The following CCDC174 variants were observed in gnomAD, a reference collection of about 807,000 sequenced individuals.
CCDC174 encodes coiled-coil domain-containing protein 174.
A neutral mutation model predicts 57.1 loss-of-function variants in CCDC174; 37 were observed. The observed-to-expected ratio is 0.65, with a 90% CI of 0.50 to 0.85. The LOEUF (loss-of-function observed/expected upper bound fraction) is 0.85, where lower values mean the gene tolerates loss of function less well. Among genes scored for constraint, CCDC174 ranks in the 40% least tolerant of loss-of-function variants. The pLI, the probability that CCDC174 is intolerant of heterozygous loss-of-function variation, is 0.00. For synonymous variants in CCDC174, 182 were observed against 190.2 expected (o/e 0.96, Z 0.35); for missense variants, 540 against 574.3 (o/e 0.94, Z 0.61).
At chr3:14,668,356 A>C (rs2031409533) in intron 9 of CCDC174, among the ~76,000 whole-genome samples, 175 bp downstream of exon 9, 1 of 152,222 alleles carries the variant, frequency 6.6e-6, no homozygotes, top group Admixed American at 6.5e-5. Context: ...GCAGAATGAC[A>C]TTCAATATTT....
chr3:14,661,069 A>C (rs1431159068), intron 4 of CCDC174, among the ~76,000 whole-genome samples: 4 of 152,154 alleles, frequency 2.6e-5, no homozygotes, highest in Non-Finnish European at 5.9e-5. Context: ...CTGTATTATG[A>C]CCTTTAAAAC....
intron 7 of CCDC174, 127 bp from the exon 8 acceptor site, chr3:14,667,297 T>G (rs373830604): frequency 1.0e-5 from 8 of 777,244 alleles, no homozygotes; most frequent in South Asian, 8.7e-5. Flanking sequence ...TTAGCTGTTT[T>G]CTTTTTCTTT....
intron 1 of CCDC174, among the ~76,000 whole-genome samples, chr3:14,652,243 C>G (rs1254882244): frequency 6.6e-6 from 1 of 152,172 alleles, no homozygotes; most frequent in Non-Finnish European, 1.5e-5. Flanking sequence ...TTTTGCTATG[C>G]AGACATATCC....
In CCDC174 at chr3:14,663,952, A is replaced by AT. The variant is rs1174115550; in HGVS notation, c.486-1075dup. On this transcript the variant is annotated intron_variant, in intron 5 of 10. Transcript: ENST00000383794. ...TGTAATTGCTTGTAAAATCCTTTTG[A>AT]TAGTTAAATTCCAGGTGGTAGAAAA... is the stretch of plus-strand genomic sequence containing the variant. Among the ~76,000 whole-genome samples, 5 of 152,136 alleles carry AT rather than the reference A, an allele frequency of 3.3e-5. No individual in the cohort carries two copies. In the East Asian group the frequency reaches 9.6e-4, roughly 29 times the overall value.
rs997716366 is a variant in CCDC174, at chr3:14,654,533, A to G, written c.147+3A>G. 3 of 1,349,914 alleles carry G rather than the reference A, an allele frequency of 2.2e-6. No homozygotes were observed. The highest frequency in any genetic ancestry group is 1.4e-5 in the African/African-American group (1 of 69,134). The allele number at this position is 1,349,914 out of a possible 1,614,324, so 83.6% of individuals were successfully genotyped here. A position where few individuals can be genotyped will look rare whatever the true frequency, so the allele number is the denominator to read the frequency against. On this transcript the variant is annotated splice_donor_region_variant and intron_variant, in intron 2 of 10. Coordinates refer to ENST00000383794, the MANE Select transcript of CCDC174 (RefSeq NM_016474.5). The stretch of plus-strand genomic sequence containing the variant: ...GAAAACCAAAAACAACTAACAAGGT[A>G]AAAAATAAGATCTAATTATCTCCAT...
chr3:14,666,024 C>T (rs377183054), intron 6 of CCDC174, among the ~76,000 whole-genome samples: 1 of 114,822 alleles, frequency 8.7e-6, no homozygotes, highest in South Asian at 2.8e-4. Flanking sequence ...GGCTACAGAG[C>T]GAGACTCCGT....
chr3:14,655,758 G>A, intron 3 of CCDC174, 129 bp downstream of exon 3: 2 of 480,462 alleles, frequency 4.2e-6, no homozygotes, highest in South Asian at 4.0e-5. Context: ...AATGCTCTAA[G>A]TACTCTAAAA....
chr3:14,667,561 C>T, intron 8 of CCDC174, 43 bp downstream of exon 8: 1 of 1,460,840 alleles, frequency 6.8e-7, no homozygotes, highest in Non-Finnish European at 9.6e-7. Context: ...GATGTGAGCG[C>T]TTGGTTTCTT....
At position 14,672,432 on chromosome 3, in the gene CCDC174, C is replaced by T. The variant is rs941148643; in HGVS notation, c.*1238C>T. On this transcript the variant is annotated 3_prime_UTR_variant, in exon 11 of 11. Coordinates refer to ENST00000383794, the MANE Select transcript of CCDC174 (RefSeq NM_016474.5). ...TGGTACCTAAGGGGCAGATCTCAGA[C>T]TTAAACACAATTGATGTCTAACCCC... 2 of 152,226 alleles carry T rather than the reference C, an allele frequency of 1.3e-5. No individual in the cohort carries two copies. Among genetic ancestry groups the T allele is most frequent in the Non-Finnish European group, 2.9e-5 (2 of 68,068 alleles). The allele number at this position is 152,226 out of a possible 1,614,324, so 9.4% of individuals were successfully genotyped here.
chr3:14,659,846 G>T (rs1229973896), intron 4 of CCDC174, among the ~76,000 whole-genome samples: 2 of 152,226 alleles, frequency 1.3e-5, no homozygotes. Context: ...GCTTAGCTTT[G>T]GCAAGCTGGA....
intron 6 of CCDC174, among the ~76,000 whole-genome samples, chr3:14,666,578 G>A (rs531779974): frequency 2.0e-5 from 3 of 151,788 alleles, no homozygotes; most frequent in Non-Finnish European, 4.4e-5. Context: ...AGCCGAGATC[G>A]TGCCACTGCA....
chr3:14,664,970 C>A, intron 5 of CCDC174, 58 bp from the exon 6 acceptor site: 1 of 1,277,616 alleles, frequency 7.8e-7, no homozygotes, highest in Non-Finnish European at 1.1e-6. Flanking sequence ...TACTCCCTGA[C>A]TTAGGGGCTT....
At chr3:14,669,621 G>T (rs2031451746) in intron 9 of CCDC174, among the ~76,000 whole-genome samples, 1 of 152,104 alleles carries the variant, frequency 6.6e-6, no homozygotes, top group Admixed American at 6.5e-5. Flanking sequence ...CATAGTGAGG[G>T]GCACAGAGAC....
Position 14,671,231 on chromosome 3 carries a change from C to A in CCDC174, c.*37C>A. On this transcript the variant is annotated 3_prime_UTR_variant, in exon 11 of 11. Coordinates refer to ENST00000383794, the MANE Select transcript of CCDC174 (RefSeq NM_016474.5). ...ACGCTGACTTGGGTTTGTACTTTGA[C>A]AGTGCCTTTCTCTCCCAGAGGGAGA... 1 of 1,553,974 alleles carries A rather than the reference C, an allele frequency of 6.4e-7. No homozygotes were observed. The highest frequency in any genetic ancestry group is 1.2e-5 in the South Asian group (1 of 84,234).
In CCDC174 at chr3:14,653,778, C is replaced by T. The variant is rs1042607591; in HGVS notation, c.43-648C>T. On this transcript the variant is annotated intron_variant, in intron 1 of 10. Transcript: ENST00000383794. Reference sequence around the variant, plus strand: ...AGTCAAACGTGGAGCTGTTATAATTCACCCAGTCTATTTTATTTCTAGCTG... The same window carrying T: ...AGTCAAACGTGGAGCTGTTATAATTTACCCAGTCTATTTTATTTCTAGCTG... Among the ~76,000 whole-genome samples the T allele has an allele frequency of 1.4e-4, 21 of 152,292 alleles. 2 individuals carry two copies. The Middle Eastern group carries it at 0.014, about 99-fold the overall frequency.
In CCDC174 at chr3:14,658,940, T is replaced by C; in HGVS notation, c.307+11T>C. ...AAGGAGACTTTATAGGTAAATAAAA[T>C]TTGTTATTTCTACTTCATTTTCTAT... On this transcript the variant is annotated intron_variant, in intron 4 of 10. Transcript: ENST00000383794. The C allele has an allele frequency of 6.7e-7, 1 of 1,497,364 alleles. No homozygotes were observed. The highest frequency in any genetic ancestry group is 2.3e-5 in the East Asian group (1 of 42,578). 92.8% of individuals were successfully genotyped at this position (1,497,364 alleles called of 1,614,324 possible). A position where few individuals can be genotyped will look rare whatever the true frequency, so the allele number is the denominator to read the frequency against.
At chr3:14,661,494 C>T in intron 4 of CCDC174, 36 bp from the exon 5 acceptor site, 1 of 1,565,116 alleles carries the variant, frequency 6.4e-7, no homozygotes, top group East Asian at 2.3e-5. Flanking sequence ...TGTGATTTTC[C>T]TTTTTGATGT....
intron 3 of CCDC174, 94 bp from the exon 4 acceptor site, chr3:14,658,777 T>C: frequency 7.4e-7 from 1 of 1,347,254 alleles, no homozygotes; most frequent in Non-Finnish European, 1.0e-6. Context: ...CTGGGCCTCA[T>C]GGGCAGATGG....
intron 4 of CCDC174, among the ~76,000 whole-genome samples, chr3:14,660,730 AC>A (rs2031103326): frequency 6.6e-6 from 1 of 152,156 alleles, no homozygotes; most frequent in Admixed American, 6.5e-5. Context: ...GGAAAACACC[AC>A]CCCTGGTAAT....
Sources: allele counts gnomAD v4.1 joint callset (sites outside exome capture counted in the v4.1 genomes callset), GRCh38; gene constraint gnomAD v4.1.1; transcripts MANE v1.5; gene names NCBI Gene and HGNC (gene_info 2026-07-23, HGNC 2026-07-21).